TMEM263: variants seen among roughly 807,000 people sequenced by gnomAD.
The protein encoded by TMEM263 is UPF0444 transmembrane protein C12orf23.
In TMEM263, 5 loss-of-function variants were observed where a neutral mutation model predicts 8.6. That is an observed-to-expected ratio of 0.58 (90% confidence interval 0.31 to 1.23). The LOEUF (loss-of-function observed/expected upper bound fraction) is 1.23, where lower values mean the gene tolerates loss of function less well. Among genes scored for constraint, TMEM263 ranks in the 50% most tolerant of loss-of-function variants. The pLI is 0.07. For missense variants in TMEM263, 104 were observed against 138.8 expected (o/e 0.75, Z 1.26); for synonymous variants, 50 against 47.9 (o/e 1.04, Z -0.18).
At chr12:106,957,298 G>T (rs1272887297) in intron 2 of TMEM263, 149 bp downstream of exon 2, 5 of 396,560 alleles carry the variant, frequency 1.3e-5, no homozygotes, top group African/African-American at 1.1e-4. Context: ...ATCCTGTTTT[G>T]CTTTTTCCAC....
chr12:106,970,959 T>C (rs1015738902), intron 3 of TMEM263, 146 bp from the exon 4 acceptor site: 12 of 708,788 alleles, frequency 1.7e-5, no homozygotes, highest in Non-Finnish European at 2.6e-5. Context: ...AAGGAAGAGC[T>C]CTTCAGTGTC....
rs1951957723 is a variant in TMEM263, at chr12:106,973,597, C to T, written c.*2206C>T. 1 of 152,364 alleles carries T rather than the reference C, an allele frequency of 6.6e-6. No homozygotes were observed. The highest frequency in any genetic ancestry group is 6.5e-5 in the Admixed American group (1 of 15,270). 9.4% of individuals were successfully genotyped at this position (152,364 alleles called of 1,614,324 possible). ...TTTGCAATGATAGCAGAAAACTGTA[C>T]AAATGTACAGTTAGTTATAGAGGTT... is the stretch of plus-strand genomic sequence containing the variant. On this transcript the variant is annotated 3_prime_UTR_variant, in exon 4 of 4. Transcript: ENST00000280756.
intron 2 of TMEM263, chr12:106,966,829 G>A (rs967879522): frequency 3.5e-6 from 1 of 285,262 alleles, no homozygotes; most frequent in Non-Finnish European, 6.4e-6. Flanking sequence ...TTCAGTTGTA[G>A]TTGAAGCACC....
intron 1 of TMEM263, chr12:106,956,686 G>T (rs1191105369): frequency 6.6e-6 from 1 of 152,450 alleles, no homozygotes; most frequent in Non-Finnish European, 1.5e-5. Context: ...CTCTGCACAC[G>T]CAGCTTCAAG....
At chr12:106,964,906 C>T (rs1353761694) in intron 2 of TMEM263, among the ~76,000 whole-genome samples, 1 of 152,212 alleles carries the variant, frequency 6.6e-6, no homozygotes, top group Non-Finnish European at 1.5e-5. Context: ...AAGTTGTTTC[C>T]TAATGGGACT....
Position 106,960,331 on chromosome 12 carries a change from G to A in TMEM263, c.-7+3182G>A, listed in dbSNP as rs532793770. Reference sequence around the variant, plus strand: ...ATTACAGGTGTGAGCCACCATGTCCGGCCCTTGTTTTTTTTTTTTTTAGTC... The same window carrying A: ...ATTACAGGTGTGAGCCACCATGTCCAGCCCTTGTTTTTTTTTTTTTTAGTC... On this transcript the variant is annotated intron_variant, in intron 2 of 3. Transcript: ENST00000280756. 9.2e-5 allele frequency among the ~76,000 whole-genome samples: 14 copies of A among 151,750 alleles called. No homozygotes were observed. In the South Asian group the frequency reaches 1.9e-3, roughly 20 times the overall value.
At chr12:106,960,471 T>G (rs188153537) in intron 2 of TMEM263, among the ~76,000 whole-genome samples, 34 of 152,344 alleles carry the variant, frequency 2.2e-4, no homozygotes, top group African/African-American at 7.5e-4. Context: ...GCTTTCTTGT[T>G]TATTGATAAT....
At chr12:106,970,989 C>A in intron 3 of TMEM263, 116 bp from the exon 4 acceptor site, 1 of 1,013,964 alleles carries the variant, frequency 9.9e-7, no homozygotes, top group Non-Finnish European at 1.5e-6. Flanking sequence ...GTGTGGTTGG[C>A]CTTATCAAAT....
chr12:106,961,376 T>C (rs1951776567), intron 2 of TMEM263, among the ~76,000 whole-genome samples: 1 of 151,754 alleles, frequency 6.6e-6, no homozygotes, highest in Non-Finnish European at 1.5e-5. Context: ...ATTCTACTTA[T>C]CCCACAAATA....
chr12:106,969,873 A>G (rs1951897341), intron 3 of TMEM263, among the ~76,000 whole-genome samples: 1 of 151,106 alleles, frequency 6.6e-6, no homozygotes, highest in Non-Finnish European at 1.5e-5. Context: ...ATGTGGCTCT[A>G]TTTAAAAAAA....
chr12:106,963,485 G>A (rs1166540540), intron 2 of TMEM263, among the ~76,000 whole-genome samples: 3 of 152,174 alleles, frequency 2.0e-5, no homozygotes, highest in African/African-American at 7.2e-5. Flanking sequence ...GGTGACCCTG[G>A]CATTTTGTCC....
At chr12:106,963,004 A>T (rs1401575930) in intron 2 of TMEM263, among the ~76,000 whole-genome samples, 1 of 152,232 alleles carries the variant, frequency 6.6e-6, no homozygotes, top group Non-Finnish European at 1.5e-5. Flanking sequence ...AATGATAAGA[A>T]GAGTGGAGGG....
chr12:106,963,811 G>A (rs971011445), intron 2 of TMEM263, among the ~76,000 whole-genome samples: 4 of 152,130 alleles, frequency 2.6e-5, no homozygotes, highest in East Asian at 1.9e-4. Flanking sequence ...AAAAATAATT[G>A]TTTTTAAGGG....
chr12:106,960,340 T>C (rs1016730503), intron 2 of TMEM263, among the ~76,000 whole-genome samples: 16 of 146,886 alleles, frequency 1.1e-4, no homozygotes, highest in Non-Finnish European at 2.3e-4. Context: ...CGGCCCTTGT[T>C]TTTTTTTTTT....
At chr12:106,963,572 A>T (rs1255636375) in intron 2 of TMEM263, among the ~76,000 whole-genome samples, 1 of 152,226 alleles carries the variant, frequency 6.6e-6, no homozygotes, top group Non-Finnish European at 1.5e-5. Flanking sequence ...CTACTAAAGT[A>T]GCCACTTACT....
chr12:106,955,932 G>A lies in TMEM263; in HGVS notation c.-208G>A. The A allele has an allele frequency of 1.0e-6, 1 of 985,824 alleles. No homozygotes were observed. The allele number at this position is 985,824 out of a possible 1,614,324, so 61.1% of individuals were successfully genotyped here. On this transcript the variant is annotated 5_prime_UTR_variant, in exon 1 of 4. Coordinates refer to ENST00000280756, the MANE Select transcript of TMEM263 (RefSeq NM_152261.4). ...ACAGTCTTCCAGCTCCACATCCTGA[G>A]AGGACGCCTCTGGAGCCGCGACTGC...
At position 106,971,429 on chromosome 12, in the gene TMEM263, G is replaced by T. The variant is rs760930112; in HGVS notation, c.*38G>T. 1 of 1,532,068 alleles carries T rather than the reference G, an allele frequency of 6.5e-7. No individual in the cohort carries two copies. Among genetic ancestry groups the T allele is most frequent in the Non-Finnish European group, 8.8e-7 (1 of 1,139,486 alleles). The allele number at this position is 1,532,068 out of a possible 1,614,324, so 94.9% of individuals were successfully genotyped here. Reference sequence around the variant, plus strand: ...CACTTGCGCTCCACAGCACTGTAATGCCAGTGGCATTGAATTGCTAAATTA... The same window carrying T: ...CACTTGCGCTCCACAGCACTGTAATTCCAGTGGCATTGAATTGCTAAATTA... On this transcript the variant is annotated 3_prime_UTR_variant, in exon 4 of 4. Transcript: ENST00000280756.
At chr12:106,971,038 A>T (rs1951912718) in intron 3 of TMEM263, 67 bp from the exon 4 acceptor site, 1 of 1,528,864 alleles carries the variant, frequency 6.5e-7, no homozygotes, top group Non-Finnish European at 8.9e-7. Context: ...TTACTTAATG[A>T]TGTGTACTGC....
chr12:106,972,424 T>TA lies in TMEM263; in HGVS notation c.*1037dup, dbSNP rs1488920662. Reference sequence around the variant, plus strand: ...CAGTACTCCTTTTTTAAAAACACTGTAAAAGTAACCACAAATATGTGAGGA... The same window carrying TA: ...CAGTACTCCTTTTTTAAAAACACTGTAAAAAGTAACCACAAATATGTGAGGA... On this transcript the variant is annotated 3_prime_UTR_variant, in exon 4 of 4. Coordinates refer to ENST00000280756, the MANE Select transcript of TMEM263 (RefSeq NM_152261.4). 6.6e-6 allele frequency: 1 copy of TA among 152,196 alleles called. No homozygotes were observed. Among genetic ancestry groups the TA allele is most frequent in the African/African-American group, 2.4e-5 (1 of 41,462 alleles). The allele number at this position is 152,196 out of a possible 1,614,324, so 9.4% of individuals were successfully genotyped here.
Sources: allele counts gnomAD v4.1 joint callset (sites outside exome capture counted in the v4.1 genomes callset), GRCh38; gene constraint gnomAD v4.1.1; transcripts MANE v1.5; gene names NCBI Gene and HGNC (gene_info 2026-07-23, HGNC 2026-07-21).